Variants in EYS observed in about 807,000 individuals in gnomAD.
The protein encoded by EYS is protein eyes shut homolog.
Under a neutral mutation model 282.1 loss-of-function variants are expected in EYS, and 250 were observed. The observed-to-expected ratio is 0.89, with a 90% CI of 0.80 to 0.98. The LOEUF is 0.98. Among genes scored for constraint, EYS ranks in the 50% least tolerant of loss-of-function variants. The probability of loss-of-function intolerance (pLI) is 0.00; values close to 1 mark genes in which losing one functional copy is unlikely to be tolerated. For missense variants in EYS, 4,016 were observed against 3,709.0 expected (o/e 1.08, Z -2.15); for synonymous variants, 1,355 against 1,282.9 (o/e 1.06, Z -1.20).
intron 26 of EYS, among the ~76,000 whole-genome samples, chr6:64,451,953 C>T (rs1405563458): frequency 6.6e-6 from 1 of 152,156 alleles, no homozygotes; most frequent in Admixed American, 6.5e-5. Context: ...TGGCACAAGA[C>T]AGGGATGCCC....
chr6:64,573,576 T>G (rs1765790902), intron 26 of EYS, among the ~76,000 whole-genome samples: 1 of 151,826 alleles, frequency 6.6e-6, no homozygotes, highest in African/African-American at 2.4e-5. Context: ...TTAAACAAAT[T>G]TACAAGAAAA....
At chr6:64,844,920 A>T (rs1765673564) in intron 19 of EYS, among the ~76,000 whole-genome samples, 1 of 152,156 alleles carries the variant, frequency 6.6e-6, no homozygotes, top group Non-Finnish European at 1.5e-5. Context: ...TATTATAGCC[A>T]TCTACTCATT....
At chr6:64,837,872 T>C (rs1562218360) in intron 19 of EYS, among the ~76,000 whole-genome samples, 1 of 151,248 alleles carries the variant, frequency 6.6e-6, no homozygotes, top group African/African-American at 2.4e-5. Flanking sequence ...TGAGAGGAGA[T>C]TGAGTGATAA....
intron 19 of EYS, among the ~76,000 whole-genome samples, chr6:64,876,580 A>C (rs961152646): frequency 6.6e-6 from 1 of 152,162 alleles, no homozygotes; most frequent in Non-Finnish European, 1.5e-5. Context: ...ATTTAATTCA[A>C]GTAGTAAGAG....
intron 31 of EYS, among the ~76,000 whole-genome samples, chr6:64,098,325 G>A (rs1205546882): frequency 6.6e-6 from 1 of 151,960 alleles, no homozygotes; most frequent in African/African-American, 2.4e-5. Flanking sequence ...TATAGAGCAG[G>A]GAAATAACTT....
At chr6:65,660,090 T>G (rs1424613274) in intron 1 of EYS, among the ~76,000 whole-genome samples, 2 of 151,650 alleles carry the variant, frequency 1.3e-5, no homozygotes, top group African/African-American at 4.8e-5. Context: ...TATTAAAAAT[T>G]TATTCAGAAT....
chr6:64,388,812 G>C lies in EYS; in HGVS notation c.5956C>G (p.Leu1986Val). ...TGTGTATTCCTCCCTAAAATAGTCA[G>C]CTCAGCGTTACATGGATCCAATTCT... ...RQELDPCNAELTILGRNTQIC... is the reference protein window; with the variant it reads ...RQELDPCNAEVTILGRNTQIC... Residue 1986 changes from leucine to valine, a missense_variant, in exon 29 of 43, where the codon CTG becomes GTG. Coordinates refer to ENST00000503581, the MANE Select transcript of EYS (RefSeq NM_001142800.2). 1 of 1,539,522 alleles carries C rather than the reference G, an allele frequency of 6.5e-7. No homozygotes were observed. The highest frequency in any genetic ancestry group is 8.8e-7 in the Non-Finnish European group (1 of 1,141,526).
At chr6:65,292,802 A>G (rs1448016346) in intron 12 of EYS, among the ~76,000 whole-genome samples, 1 of 151,770 alleles carries the variant, frequency 6.6e-6, no homozygotes, top group Non-Finnish European at 1.5e-5. Flanking sequence ...TGGAAAAGAA[A>G]TTAATCCTGG....
chr6:64,815,633 C>T lies in EYS; in HGVS notation c.3244-2056G>A, dbSNP rs139316242. Among the ~76,000 whole-genome samples the T allele has an allele frequency of 2.0e-3, 308 of 152,054 alleles. 9 individuals are homozygous for T. In the East Asian group the frequency reaches 0.053, roughly 26 times the overall value. On this transcript the variant is annotated intron_variant, in intron 21 of 42. Coordinates refer to ENST00000503581, the MANE Select transcript of EYS (RefSeq NM_001142800.2). ...TTTGTTCATCATTTATATTGCTTTGCTATATTCTATTTAATATAATAAAGT... is the reference window on the plus strand; with the variant it reads ...TTTGTTCATCATTTATATTGCTTTGTTATATTCTATTTAATATAATAAAGT...
intron 19 of EYS, among the ~76,000 whole-genome samples, chr6:64,834,826 A>G (rs1431972274): frequency 6.6e-6 from 1 of 151,814 alleles, no homozygotes; most frequent in African/African-American, 2.4e-5. Context: ...AACAAACACA[A>G]TTCTTAGTTG....
At chr6:65,090,468 A>G (rs2150177275) in intron 12 of EYS, among the ~76,000 whole-genome samples, 1 of 152,290 alleles carries the variant, frequency 6.6e-6, no homozygotes, top group East Asian at 1.9e-4. Flanking sequence ...CAACAGTGTG[A>G]AAATGGACTA....
intron 22 of EYS, among the ~76,000 whole-genome samples, chr6:64,734,419 A>G (rs1460377200): frequency 1.3e-5 from 2 of 152,310 alleles, no homozygotes; most frequent in East Asian, 1.9e-4. Context: ...GGCATATGCA[A>G]TAGGCACAAC....
chr6:64,189,416 C>T (rs1199385933), intron 31 of EYS, among the ~76,000 whole-genome samples: 2 of 152,120 alleles, frequency 1.3e-5, no homozygotes, highest in Non-Finnish European at 2.9e-5. Flanking sequence ...ATATGAAATT[C>T]GAATTAAGTA....
chr6:64,338,615 C>T (rs1200532143), intron 29 of EYS, among the ~76,000 whole-genome samples: 1 of 151,710 alleles, frequency 6.6e-6, no homozygotes, highest in East Asian at 2.0e-4. Context: ...CATCACTTAA[C>T]ATAATTTGAA....
At position 64,703,429 on chromosome 6, in the gene EYS, A is replaced by ATTTTTTTTTTTTT. The variant is rs1554194865; in HGVS notation, c.3444-77197_3444-77185dup. On this transcript the variant is annotated intron_variant, in intron 22 of 42. Coordinates refer to ENST00000503581, the MANE Select transcript of EYS (RefSeq NM_001142800.2). ...CACACACATATATATATATATATAT[A>ATTTTTTTTTTTTT]TTTTTTTTTTTTTTTTTTGAGATGG... Among the ~76,000 whole-genome samples the ATTTTTTTTTTTTT allele has an allele frequency of 2.8e-3, 65 of 23,356 alleles. 9 individuals are homozygous for ATTTTTTTTTTTTT. Among genetic ancestry groups the ATTTTTTTTTTTTT allele is most frequent in the Non-Finnish European group, 4.0e-3 (36 of 8,980 alleles). The allele number at this position is 23,356 out of a possible 152,430, so 15.3% of individuals were successfully genotyped here. A position where few individuals can be genotyped will look rare whatever the true frequency, so the allele number is the denominator to read the frequency against.
At chr6:64,327,206 T>C (rs1770461280) in intron 29 of EYS, among the ~76,000 whole-genome samples, 1 of 151,924 alleles carries the variant, frequency 6.6e-6, no homozygotes, top group Non-Finnish European at 1.5e-5. Flanking sequence ...TAGGACCAGC[T>C]CCACAGCTGC....
intron 26 of EYS, among the ~76,000 whole-genome samples, chr6:64,509,599 G>A (rs375186513): frequency 1.2e-4 from 19 of 152,124 alleles, no homozygotes; most frequent in East Asian, 3.9e-4. Context: ...TCAATTCTAC[G>A]GGGTACACAT....
At chr6:63,960,576 T>A (rs1339184766) in intron 35 of EYS, among the ~76,000 whole-genome samples, 6 of 152,290 alleles carry the variant, frequency 3.9e-5, no homozygotes, top group African/African-American at 1.4e-4. Context: ...GAGAAATCTT[T>A]CATGACAAGA....
chr6:64,178,172 T>G lies in EYS; in HGVS notation c.6424+52420A>C, dbSNP rs1202118311. Among the ~76,000 whole-genome samples the G allele has an allele frequency of 9.9e-5, 15 of 152,204 alleles. No homozygotes were observed. In the South Asian group the frequency reaches 2.9e-3, roughly 29 times the overall value. Reference sequence around the variant, plus strand: ...ATTCTGGTGTGAATGTGGATGTATGTTTTACTAGAAAGCCCATCTAATTTA... The same window carrying G: ...ATTCTGGTGTGAATGTGGATGTATGGTTTACTAGAAAGCCCATCTAATTTA... On this transcript the variant is annotated intron_variant, in intron 31 of 42. Coordinates refer to ENST00000503581, the MANE Select transcript of EYS (RefSeq NM_001142800.2).
Sources: allele counts gnomAD v4.1 joint callset (sites outside exome capture counted in the v4.1 genomes callset), GRCh38; gene constraint gnomAD v4.1.1; transcripts MANE v1.5; gene names NCBI Gene and HGNC (gene_info 2026-07-23, HGNC 2026-07-21).